The following ADAMTS3 variants were observed in gnomAD, a reference collection of about 807,000 sequenced individuals.
The protein encoded by ADAMTS3 is A disintegrin and metalloproteinase with thrombospondin motifs 3.
A neutral mutation model predicts 129.0 loss-of-function variants in ADAMTS3; 73 were observed. The observed-to-expected ratio is 0.57, with a 90% CI of 0.47 to 0.69. ADAMTS3 has a LOEUF of 0.69. Ranked by LOEUF, ADAMTS3 falls within the 30% of genes least tolerant of loss-of-function variation. The pLI, the probability that ADAMTS3 is intolerant of heterozygous loss-of-function variation, is 0.00. For synonymous variants in ADAMTS3, 477 were observed against 510.8 expected, an observed-to-expected ratio of 0.93 and a Z score of 0.89; for missense variants, 1,457 against 1,514.5, an observed-to-expected ratio of 0.96 and a Z score of 0.63.
chr4:72,336,666 G>A (rs556179431), intron 5 of ADAMTS3, among the ~76,000 whole-genome samples: 2 of 152,156 alleles, frequency 1.3e-5, no homozygotes, highest in Admixed American at 1.3e-4. Context: ...AAATTATCCA[G>A]TTGGAGAGTG....
intron 3 of ADAMTS3, chr4:72,441,825 T>C (rs1718124235): frequency 6.7e-6 from 1 of 149,720 alleles, no homozygotes; most frequent in Non-Finnish European, 1.5e-5. Context: ...TCTCCAACAA[T>C]ATTAACATTA....
intron 3 of ADAMTS3, among the ~76,000 whole-genome samples, chr4:72,518,398 C>T (rs1720557284): frequency 6.6e-6 from 1 of 152,104 alleles, no homozygotes. Context: ...TCCTTCTTAA[C>T]TTTCTGTCTC....
At position 72,568,740 on chromosome 4, in the gene ADAMTS3, A is replaced by G; in HGVS notation, c.23T>C (p.Leu8Ser). The change falls in exon 1 of 22, where the codon TTG (leucine) becomes TCG (serine). Residue 8 changes from leucine (L) to serine (S), a missense_variant. Coordinates refer to ENST00000286657, the MANE Select transcript of ADAMTS3 (RefSeq NM_014243.3). MVLLSLW[L>S]IAAALVEVRT... The stretch of plus-strand genomic sequence containing the variant: ...AACCTCTACCAGAGCGGCTGCTATC[A>G]ACCAAAGTGACAGGAGAACCATCAC... 6.2e-7 allele frequency: 1 copy of G among 1,613,942 alleles called. No homozygotes were observed. The highest frequency in any genetic ancestry group is 8.5e-7 in the Non-Finnish European group (1 of 1,179,960).
chr4:72,417,407 A>G (rs904266717), intron 3 of ADAMTS3, among the ~76,000 whole-genome samples: 8 of 152,204 alleles, frequency 5.3e-5, no homozygotes, highest in African/African-American at 1.9e-4. Flanking sequence ...TATGGCAAAC[A>G]TTCAAATTTC....
chr4:72,505,258 G>A (rs944859549), intron 3 of ADAMTS3, among the ~76,000 whole-genome samples: 1 of 151,954 alleles, frequency 6.6e-6, no homozygotes, highest in African/African-American at 2.4e-5. Context: ...CTGTTGTTTT[G>A]TTTCTTCTTT....
At chr4:72,312,063 C>T (rs72653995) in intron 13 of ADAMTS3, 6,190 of 448,000 alleles carry the variant, frequency 0.014, 82 homozygotes, top group Non-Finnish European at 0.016. Context: ...GTCTTTTCAC[C>T]GCTGATGGTG....
intron 3 of ADAMTS3, among the ~76,000 whole-genome samples, chr4:72,520,353 C>T (rs1397916952): frequency 6.6e-6 from 1 of 152,174 alleles, no homozygotes; most frequent in Non-Finnish European, 1.5e-5. Flanking sequence ...GCTGGGAGAA[C>T]CACTGCTCTC....
At chr4:72,373,918 A>C (rs1311295518) in intron 4 of ADAMTS3, among the ~76,000 whole-genome samples, 2 of 88,000 alleles carry the variant, frequency 2.3e-5, no homozygotes, top group African/African-American at 6.7e-5. Context: ...TAATAATAAT[A>C]ATAATAATAA....
chr4:72,295,217 C>A (rs1217575867), intron 19 of ADAMTS3, among the ~76,000 whole-genome samples: 3 of 151,826 alleles, frequency 2.0e-5, no homozygotes, highest in African/African-American at 7.3e-5. Flanking sequence ...CTGAATATTG[C>A]GATCAGTAAA....
chr4:72,315,361 A>G (rs1323382231), intron 11 of ADAMTS3, among the ~76,000 whole-genome samples: 1 of 152,212 alleles, frequency 6.6e-6, no homozygotes, highest in African/African-American at 2.4e-5. Context: ...ATCCCAGATT[A>G]TCCATGGGGT....
chr4:72,314,927 A>G (rs2109801645), intron 11 of ADAMTS3, among the ~76,000 whole-genome samples: 1 of 152,294 alleles, frequency 6.6e-6, no homozygotes, highest in East Asian at 1.9e-4. Context: ...TCTTATTTCT[A>G]AACTAGTCAA....
rs371458911 is a variant in ADAMTS3, at chr4:72,456,048, CTA to C, written c.505-41079_505-41078del. 9.4e-4 allele frequency among the ~76,000 whole-genome samples: 15 copies of C among 15,912 alleles called. 5 individuals are homozygous for C. The East Asian group carries it at 9.5e-3, about 10-fold the overall frequency. 10.4% of individuals were successfully genotyped at this position (15,912 alleles called of 152,430 possible). A position where few individuals can be genotyped will look rare whatever the true frequency, so the allele number is the denominator to read the frequency against. ...ATATATTTTACATATAGTATATATA[CTA>C]TATATATATTTTACATATAGTATAT... is the stretch of plus-strand genomic sequence containing the variant. On this transcript the variant is annotated intron_variant, in intron 3 of 21. Coordinates refer to ENST00000286657, the MANE Select transcript of ADAMTS3 (RefSeq NM_014243.3).
At chr4:72,405,591 T>C (rs1722030678) in intron 4 of ADAMTS3, among the ~76,000 whole-genome samples, 1 of 152,136 alleles carries the variant, frequency 6.6e-6, no homozygotes, top group Non-Finnish European at 1.5e-5. Context: ...TGTTTTCCTG[T>C]TGGGTAGAGA....
chr4:72,354,397 A>G (rs1209081136), intron 4 of ADAMTS3, among the ~76,000 whole-genome samples: 1 of 151,894 alleles, frequency 6.6e-6, no homozygotes, highest in Non-Finnish European at 1.5e-5. Context: ...TGCTTTCTTC[A>G]ACAGAGTGAA....
Position 72,312,323 on chromosome 4 carries a change from T to C in ADAMTS3, c.1889A>G (p.Lys630Arg), listed in dbSNP as rs1431199353. The C allele has an allele frequency of 6.2e-7, 1 of 1,613,704 alleles. No homozygotes were observed. The highest frequency in any genetic ancestry group is 1.7e-5 in the Admixed American group (1 of 59,974). ...RNSHFEYQNT[K>R]HHWLPYEHPD... ...ATGTTCATATGGCAACCAGTGGTGTTTGGTATTCTGGTATTCAAAGTGGGA... is the reference window on the plus strand; with the variant it reads ...ATGTTCATATGGCAACCAGTGGTGTCTGGTATTCTGGTATTCAAAGTGGGA... The change falls in exon 13 of 22, where the codon AAA (lysine) becomes AGA (arginine). Residue 630 changes from lysine to arginine, a missense_variant. By Grantham distance (26) the Lys-to-Arg change is conservative. Transcript: ENST00000286657.
chr4:72,460,130 C>T (rs887516938), intron 3 of ADAMTS3, among the ~76,000 whole-genome samples: 6 of 151,460 alleles, frequency 4.0e-5, no homozygotes, highest in African/African-American at 1.5e-4. Flanking sequence ...TTAAGAGTAT[C>T]TCCTCCCCGC....
At position 72,296,425 on chromosome 4, in the gene ADAMTS3, G is replaced by A. The variant is rs546491904; in HGVS notation, c.2591-639C>T. Reference sequence around the variant, plus strand: ...ATCCTGAAGGTTATAGGGAGTTACTGAGGGTCTCTCAAACATCAACTTTTA... The same window carrying A: ...ATCCTGAAGGTTATAGGGAGTTACTAAGGGTCTCTCAAACATCAACTTTTA... On this transcript the variant is annotated intron_variant, in intron 18 of 21. Transcript: ENST00000286657. Among the ~76,000 whole-genome samples, 13 of 152,184 alleles carry A rather than the reference G, an allele frequency of 8.5e-5. No individual in the cohort carries two copies. In the South Asian group the frequency reaches 2.5e-3, roughly 29 times the overall value.
At chr4:72,487,859 C>T (rs1468773576) in intron 3 of ADAMTS3, among the ~76,000 whole-genome samples, 2 of 151,844 alleles carry the variant, frequency 1.3e-5, no homozygotes, top group African/African-American at 2.4e-5. Context: ...TCCATATAAA[C>T]ATTATAATCA....
At chr4:72,477,731 C>CA (rs1281298407) in intron 3 of ADAMTS3, among the ~76,000 whole-genome samples, 59 of 151,898 alleles carry the variant, frequency 3.9e-4, no homozygotes, top group East Asian at 5.8e-4. Flanking sequence ...AAAAACCCTT[C>CA]AAAAAATCAA....
Sources: gnomAD v4.1 joint callset for allele counts (sites outside exome capture counted in the v4.1 genomes callset) on GRCh38, gnomAD v4.1.1 for gene constraint, MANE v1.5 for transcripts, NCBI Gene and HGNC (gene_info 2026-07-23, HGNC 2026-07-21) for gene names.